Variants in SHC4 observed in about 807,000 individuals in gnomAD.
SHC4 encodes SHC adaptor protein 4.
Under a neutral mutation model 69.4 loss-of-function variants are expected in SHC4, and 41 were observed. The ratio of observed to expected loss-of-function variants is 0.59; its 90% CI spans 0.46 to 0.77. SHC4 has a LOEUF of 0.77. SHC4 is among the 30% of genes least tolerant of loss of function. The pLI is 0.00. For synonymous variants in SHC4, 318 were observed against 299.3 expected (o/e 1.06, Z -0.64); for missense variants, 777 against 783.8 (o/e 0.99, Z 0.10).
intron 1 of SHC4, among the ~76,000 whole-genome samples, chr15:48,944,092 T>C (rs1337532645): frequency 6.6e-6 from 1 of 152,142 alleles, no homozygotes; most frequent in African/African-American, 2.4e-5. Flanking sequence ...AAAGGTCTAT[T>C]TAGTTTTCAA....
intron 1 of SHC4, among the ~76,000 whole-genome samples, chr15:48,932,182 C>A (rs1459921253): frequency 6.6e-6 from 1 of 152,056 alleles, no homozygotes; most frequent in Non-Finnish European, 1.5e-5. Context: ...TCCGTCCGAT[C>A]CCCCAATCAT....
At chr15:48,929,743 C>G (rs966694171) in intron 1 of SHC4, among the ~76,000 whole-genome samples, 11 of 152,164 alleles carry the variant, frequency 7.2e-5, no homozygotes, top group Non-Finnish European at 1.5e-4. Context: ...AATTCCCCAC[C>G]CTGTGGTGAG....
intron 6 of SHC4, among the ~76,000 whole-genome samples, chr15:48,860,554 A>G (rs1595735347): frequency 1.3e-5 from 2 of 152,134 alleles, no homozygotes; most frequent in Admixed American, 6.5e-5. Context: ...AAGTCAAAAT[A>G]GAAAGTCATA....
chr15:48,839,574 A>G (rs1394948142), intron 10 of SHC4, among the ~76,000 whole-genome samples: 3 of 152,206 alleles, frequency 2.0e-5, no homozygotes, highest in Non-Finnish European at 2.9e-5. Flanking sequence ...TCACAACTCT[A>G]GCCTGGCCAG....
chr15:48,903,148 C>T lies in SHC4; in HGVS notation c.657-12337G>A, dbSNP rs1900346010. On this transcript the variant is annotated intron_variant, in intron 2 of 11. Coordinates refer to ENST00000332408, the MANE Select transcript of SHC4 (RefSeq NM_203349.4). Reference sequence around the variant, plus strand: ...AGTGCAGCTCTCAAAAACTGCAACTCAATCACATATAATTAAAGGGACCAG... The same window carrying T: ...AGTGCAGCTCTCAAAAACTGCAACTTAATCACATATAATTAAAGGGACCAG... Among the ~76,000 whole-genome samples, 3 of 152,160 alleles carry T rather than the reference C, an allele frequency of 2.0e-5. No homozygotes were observed. In the South Asian group the frequency reaches 6.2e-4, roughly 32 times the overall value.
intron 10 of SHC4, among the ~76,000 whole-genome samples, chr15:48,837,523 A>G (rs1344124807): frequency 6.6e-6 from 1 of 152,172 alleles, no homozygotes; most frequent in African/African-American, 2.4e-5. Context: ...GTTGACTTTG[A>G]CAATAATAAT....
rs776723770 is a variant in SHC4 at position 48,962,423 on chromosome 15, G to GGACTTACCC, written c.584_585+7dup. 28 of 1,513,522 alleles carry GGACTTACCC rather than the reference G, an allele frequency of 1.8e-5. No homozygotes were observed. The highest frequency in any genetic ancestry group is 2.1e-5 in the Non-Finnish European group (24 of 1,131,222). The allele number at this position is 1,513,522 out of a possible 1,614,324, so 93.8% of individuals were successfully genotyped here. The stretch of plus-strand genomic sequence containing the variant: ...GTTCTTAGAGGGCAGAGAGGAAAAT[G>GGACTTACCC]GACTTACCCTCACACAGTAGTTCAT... On this transcript the variant is annotated splice_region_variant and intron_variant, in intron 1 of 11. Coordinates refer to ENST00000332408, the MANE Select transcript of SHC4 (RefSeq NM_203349.4).
intron 2 of SHC4, among the ~76,000 whole-genome samples, chr15:48,912,542 T>C (rs1007938176): frequency 1.3e-5 from 2 of 152,248 alleles, no homozygotes; most frequent in African/African-American, 4.8e-5. Flanking sequence ...CCTTCTCTGG[T>C]CCCTCCCTGA....
At chr15:48,829,629 G>C (rs77368555) in intron 11 of SHC4, among the ~76,000 whole-genome samples, 7,461 of 152,176 alleles carry the variant, frequency 0.049, 353 homozygotes, top group East Asian at 0.21. Flanking sequence ...TAAATCTAAA[G>C]TGAGTCCTTG....
chr15:48,896,620 T>C (rs1295750849), intron 2 of SHC4, among the ~76,000 whole-genome samples: 1 of 152,084 alleles, frequency 6.6e-6, no homozygotes, highest in Non-Finnish European at 1.5e-5. Flanking sequence ...GCGCCCAGCC[T>C]GTACAAACTT....
intron 2 of SHC4, among the ~76,000 whole-genome samples, chr15:48,907,062 T>C (rs1165441860): frequency 2.6e-5 from 4 of 152,170 alleles, no homozygotes; most frequent in Non-Finnish European, 5.9e-5. Context: ...TTTGCCTTTT[T>C]TAAAAGTTTA....
intron 9 of SHC4, among the ~76,000 whole-genome samples, chr15:48,844,075 A>G (rs541393530): frequency 2.0e-4 from 31 of 152,372 alleles, no homozygotes; most frequent in Non-Finnish European, 4.1e-4. Flanking sequence ...TAAAAAATGA[A>G]TGAATGAATA....
chr15:48,834,939 T>A lies in SHC4; in HGVS notation c.1567A>T (p.Ser523Cys). ...AGCTTGCCATGATAGCATTCTTCGC[T>A]CCACAGCTGCTGCTTAATGTGTGGC... is the stretch of plus-strand genomic sequence containing the variant. ...SLPHIKQQLW[S>C]EECYHGKLSR... Residue 523 changes from serine to cysteine, a missense_variant, in exon 11 of 12, where the codon AGC (serine) becomes TGC (cysteine). Ser to Cys is a moderately radical substitution (Grantham distance 112). Coordinates refer to ENST00000332408, the MANE Select transcript of SHC4 (RefSeq NM_203349.4). 1.2e-6 allele frequency: 2 copies of A among 1,613,800 alleles called. No individual in the cohort carries two copies. The highest frequency in any genetic ancestry group is 1.7e-6 in the Non-Finnish European group (2 of 1,179,868).
intron 9 of SHC4, among the ~76,000 whole-genome samples, chr15:48,847,893 T>C (rs1440112367): frequency 3.3e-5 from 5 of 150,254 alleles, no homozygotes; most frequent in Non-Finnish European, 7.4e-5. Flanking sequence ...TCCCAGCTAC[T>C]CAGGAGGCTG....
intron 9 of SHC4, among the ~76,000 whole-genome samples, chr15:48,843,928 C>T (rs1282894804): frequency 2.0e-5 from 3 of 152,184 alleles, no homozygotes; most frequent in Non-Finnish European, 4.4e-5. Flanking sequence ...CAAACCTGCA[C>T]TCAACACTGC....
intron 2 of SHC4, among the ~76,000 whole-genome samples, chr15:48,913,071 C>A (rs1191336204): frequency 6.6e-6 from 1 of 151,664 alleles, no homozygotes; most frequent in Non-Finnish European, 1.5e-5. Flanking sequence ...GGCTGGTTGG[C>A]CTCCTGCCAG....
chr15:48,828,932 A>T (rs996890217), intron 11 of SHC4, among the ~76,000 whole-genome samples: 1 of 152,090 alleles, frequency 6.6e-6, no homozygotes, highest in Non-Finnish European at 1.5e-5. Context: ...TATCAGATAC[A>T]TTGTTTGTAA....
At chr15:48,938,846 T>C (rs1322270545) in intron 1 of SHC4, among the ~76,000 whole-genome samples, 2 of 152,204 alleles carry the variant, frequency 1.3e-5, no homozygotes, top group Non-Finnish European at 1.5e-5. Context: ...AGAAGGAATA[T>C]GGCATACAGT....
At chr15:48,900,506 CAA>C (rs112780141) in intron 2 of SHC4, among the ~76,000 whole-genome samples, 13 of 111,022 alleles carry the variant, frequency 1.2e-4, no homozygotes, top group Admixed American at 1.9e-4. Context: ...GATTCCAACT[CAA>C]AAAAAAAAAA....
Sources: gnomAD v4.1 joint callset for allele counts (sites outside exome capture counted in the v4.1 genomes callset) on GRCh38, gnomAD v4.1.1 for gene constraint, MANE v1.5 for transcripts, NCBI Gene and HGNC (gene_info 2026-07-23, HGNC 2026-07-21) for gene names.